Variants in THSD4 observed in about 807,000 individuals in gnomAD.
The protein encoded by THSD4 is thrombospondin type 1 domain containing 4, also known as thrombospondin type-1 domain-containing protein 4.
THSD4 carries 69 observed loss-of-function variants against 119.0 expected under a neutral mutation model. That is an observed-to-expected ratio of 0.58 (90% CI 0.48 to 0.71). THSD4 has a LOEUF of 0.71. Among genes scored for constraint, THSD4 ranks in the 30% least tolerant of loss-of-function variants. The pLI is 0.00. For missense variants in THSD4, 1,393 were observed against 1,391.1 expected (o/e 1.00, Z -0.02); for synonymous variants, 524 against 540.4 (o/e 0.97, Z 0.42).
At chr15:71,535,995 CA>C (rs1204160175) in intron 7 of THSD4, among the ~76,000 whole-genome samples, 1 of 152,090 alleles carries the variant, frequency 6.6e-6, no homozygotes, top group Non-Finnish European at 1.5e-5. Context: ...CCTATAAAAC[CA>C]TCACCTAACC....
chr15:71,332,348 TATA>T (rs2045431958), intron 6 of THSD4, among the ~76,000 whole-genome samples: 1 of 152,196 alleles, frequency 6.6e-6, no homozygotes, highest in African/African-American at 2.4e-5. Flanking sequence ...GCCAGACGGC[TATA>T]AGGATAAGAG....
rs551420256 is a variant in THSD4, at chr15:71,578,392, A to T, written c.1153-82138A>T. Among the ~76,000 whole-genome samples, 9 of 152,096 alleles carry T rather than the reference A, an allele frequency of 5.9e-5. No homozygotes were observed. In the East Asian group the frequency reaches 1.7e-3, roughly 29 times the overall value. ...CATTATGATGTCAACCTGTTTGATAAGTGTCATGTCATTTGGATTCTGCCA... is the reference window on the plus strand; with the variant it reads ...CATTATGATGTCAACCTGTTTGATATGTGTCATGTCATTTGGATTCTGCCA... On this transcript the variant is annotated intron_variant, in intron 7 of 17. Coordinates refer to ENST00000261862, the MANE Select transcript of THSD4 (RefSeq NM_024817.3).
At chr15:71,441,381 G>C (rs1426657443) in intron 7 of THSD4, among the ~76,000 whole-genome samples, 1 of 36,026 alleles carries the variant, frequency 2.8e-5, no homozygotes, top group African/African-American at 8.5e-5. Flanking sequence ...TGTCCTTGGA[G>C]AGTTTCACCT....
At chr15:71,692,626 G>T (rs2052079376) in intron 8 of THSD4, among the ~76,000 whole-genome samples, 1 of 152,110 alleles carries the variant, frequency 6.6e-6, no homozygotes, top group African/African-American at 2.4e-5. Flanking sequence ...CTCCTCCTCT[G>T]TGCTTGATGG....
chr15:71,422,909 T>G (rs1253706776), intron 7 of THSD4, among the ~76,000 whole-genome samples: 1 of 152,100 alleles, frequency 6.6e-6, no homozygotes, highest in African/African-American at 2.4e-5. Flanking sequence ...GAAGACAAAG[T>G]TCTTCCCACT....
intron 6 of THSD4, among the ~76,000 whole-genome samples, chr15:71,259,656 C>G (rs1372679083): frequency 6.6e-6 from 1 of 152,108 alleles, no homozygotes; most frequent in Non-Finnish European, 1.5e-5. Context: ...TGCCTAGACC[C>G]CTCCCCAGCG....
At chr15:71,221,482 T>G (rs1242204361) in intron 4 of THSD4, among the ~76,000 whole-genome samples, 1 of 152,200 alleles carries the variant, frequency 6.6e-6, no homozygotes, top group African/African-American at 2.4e-5. Context: ...CCATTCTACT[T>G]TCTTCCTCTA....
intron 1 of THSD4, among the ~76,000 whole-genome samples, chr15:71,109,731 G>GGAAAAA (rs796609680): frequency 6.8e-5 from 9 of 132,676 alleles, no homozygotes; most frequent in African/African-American, 2.2e-4. Context: ...CACTAAAAGA[G>GGAAAAA]AAAAAAAAAA....
At chr15:71,358,211 C>T (rs571725171) in intron 6 of THSD4, among the ~76,000 whole-genome samples, 13 of 152,314 alleles carry the variant, frequency 8.5e-5, no homozygotes, top group Admixed American at 3.9e-4. Flanking sequence ...GGTACGGCAT[C>T]GGCCTCCCTC....
intron 2 of THSD4, among the ~76,000 whole-genome samples, chr15:71,143,153 G>C (rs1245377083): frequency 6.6e-6 from 1 of 152,150 alleles, no homozygotes; most frequent in Non-Finnish European, 1.5e-5. Flanking sequence ...AGAAAAGAAA[G>C]AAAAAGCTTC....
chr15:71,436,721 G>A (rs367620217), intron 7 of THSD4, among the ~76,000 whole-genome samples: 14 of 152,266 alleles, frequency 9.2e-5, no homozygotes, highest in African/African-American at 3.1e-4. Flanking sequence ...TGCATAGCAC[G>A]GGGGAATTGC....
intron 1 of THSD4, among the ~76,000 whole-genome samples, chr15:71,104,101 T>C (rs1302161305): frequency 6.6e-6 from 1 of 152,218 alleles, no homozygotes; most frequent in African/African-American, 2.4e-5. Flanking sequence ...ACTTATTCCA[T>C]CTTTTCTGGA....
Position 71,256,641 on chromosome 15 carries a change from G to A in THSD4, c.941G>A (p.Arg314Gln), listed in dbSNP as rs770935629. ...TGTCCAGAAAGCAGTAGAAGTATCC[G>A]GGAGGTACAGTGTGCATCCTACAAC... ...NVCPESSRSI[R>Q]EVQCASYNNK... The change falls in exon 6 of 18, where the codon CGG becomes CAG. Residue 314 changes from arginine to glutamine, a missense_variant. Transcript: ENST00000261862. 93 of 1,613,802 alleles carry A rather than the reference G, an allele frequency of 5.8e-5. No homozygotes were observed. The South Asian group carries it at 8.7e-4, about 15-fold the overall frequency.
rs33948399 is a variant in THSD4 at position 71,482,295 on chromosome 15, C to CTTT, written c.1152+70483_1152+70485dup. On this transcript the variant is annotated intron_variant, in intron 7 of 17. Coordinates refer to ENST00000261862, the MANE Select transcript of THSD4 (RefSeq NM_024817.3). ...AAAGATGGAAAGGACTGTACTGTAA[C>CTTT]TTTTTTTTTTTTTGAGACGGAGTCT... 8.4e-3 allele frequency among the ~76,000 whole-genome samples: 1,209 copies of CTTT among 143,544 alleles called. 30 individuals are homozygous for CTTT. The highest frequency in any genetic ancestry group is 8.8e-3 in the Non-Finnish European group (589 of 66,580). The allele number at this position is 143,544 out of a possible 152,430, so 94.2% of individuals were successfully genotyped here.
In THSD4 at chr15:71,340,412, C is replaced by G. The variant is rs76560608; in HGVS notation, c.1016-71275C>G. 3.4e-3 allele frequency among the ~76,000 whole-genome samples: 518 copies of G among 152,294 alleles called. 1 individual carries two copies. Among genetic ancestry groups the G allele is most frequent in the African/African-American group, 0.012 (499 of 41,556 alleles). On this transcript the variant is annotated intron_variant, in intron 6 of 17. Transcript: ENST00000261862. ...CGGTGCTTCCAAAATGCCATCCACC[C>G]TGTAGCTTTAAGGCTCTGGACCCTG...
intron 4 of THSD4, among the ~76,000 whole-genome samples, chr15:71,226,606 T>A (rs2044020235): frequency 6.6e-6 from 1 of 152,212 alleles, no homozygotes; most frequent in Non-Finnish European, 1.5e-5. Context: ...TGGAGCAATA[T>A]GTTGTTTCTT....
intron 11 of THSD4, among the ~76,000 whole-genome samples, chr15:71,744,766 T>C (rs1423641622): frequency 6.6e-6 from 1 of 152,218 alleles, no homozygotes; most frequent in African/African-American, 2.4e-5. Flanking sequence ...TCTATAATCA[T>C]TCCCCTGCCT....
intron 7 of THSD4, among the ~76,000 whole-genome samples, chr15:71,501,671 G>C (rs2048114579): frequency 6.6e-6 from 1 of 152,210 alleles, no homozygotes; most frequent in Admixed American, 6.5e-5. Flanking sequence ...ATGTTTGAAG[G>C]CAGATTTGAA....
At chr15:71,291,192 A>G (rs1248052884) in intron 6 of THSD4, among the ~76,000 whole-genome samples, 1 of 152,212 alleles carries the variant, frequency 6.6e-6, no homozygotes, top group East Asian at 1.9e-4. Flanking sequence ...TGTTTACATT[A>G]TGACTATGGA....
Sources: gnomAD v4.1 joint callset for allele counts (sites outside exome capture counted in the v4.1 genomes callset) on GRCh38, gnomAD v4.1.1 for gene constraint, MANE v1.5 for transcripts, NCBI Gene and HGNC (gene_info 2026-07-23, HGNC 2026-07-21) for gene names.